ZDHHC15: variants seen among roughly 807,000 people sequenced by gnomAD.
ZDHHC15 encodes zDHHC palmitoyltransferase 15, also known as palmitoyltransferase ZDHHC15.
A neutral mutation model predicts 31.7 loss-of-function variants in ZDHHC15; 19 were observed. The ratio of observed to expected loss-of-function variants is 0.60; its 90% CI spans 0.42 to 0.88. The LOEUF is 0.88. Among genes scored for constraint, ZDHHC15 ranks in the 40% least tolerant of loss-of-function variants. The pLI is 0.00. For synonymous variants in ZDHHC15, 103 were observed against 90.0 expected (o/e 1.14, Z -0.82); for missense variants, 209 against 251.2 (o/e 0.83, Z 1.14).
At chrX:75,471,953 T>C (rs1431210110) in intron 3 of ZDHHC15, among the ~76,000 whole-genome samples, 2 of 111,898 alleles carry the variant, frequency 1.8e-5, no homozygotes, top group Admixed American at 9.5e-5. Context: ...TGGTGGAAAC[T>C]GAACGATTGA....
Position 75,410,160 on chromosome X carries a change from C to T in ZDHHC15, c.967+6927G>A, listed in dbSNP as rs759422877. Reference sequence around the variant, plus strand: ...TAGAAGAAAATTTGGGGGAAATGCTCCAGGACAAGACGTTGAAAGCACAGG... The same window carrying T: ...TAGAAGAAAATTTGGGGGAAATGCTTCAGGACAAGACGTTGAAAGCACAGG... On this transcript the variant is annotated intron_variant, in intron 10 of 11. Transcript: ENST00000373367. Among the ~76,000 whole-genome samples, 5 of 111,199 alleles carry T rather than the reference C, an allele frequency of 4.5e-5. No homozygotes were observed. In the South Asian group the frequency reaches 1.9e-3, roughly 42 times the overall value.
chrX:75,411,061 G>C (rs2083479678), intron 10 of ZDHHC15, among the ~76,000 whole-genome samples: 1 of 111,935 alleles, frequency 8.9e-6, no homozygotes, highest in Non-Finnish European at 1.9e-5. Context: ...ATAGAGAGTA[G>C]ATTGGTTGTT....
rs760902816 is a variant in ZDHHC15, at chrX:75,426,364, C to T, written c.604-1580G>A. Among the ~76,000 whole-genome samples, 3 of 111,338 alleles carry T rather than the reference C, an allele frequency of 2.7e-5. No individual in the cohort carries two copies. In the East Asian group the frequency reaches 8.5e-4, roughly 32 times the overall value. ...AGCTGCAGTCTATTCCCTCACCCCA[C>T]CCAATTACTCTCAAAGAACATTTTT... On this transcript the variant is annotated intron_variant, in intron 7 of 11. Coordinates refer to ENST00000373367, the MANE Select transcript of ZDHHC15 (RefSeq NM_144969.3).
Position 75,370,525 on chromosome X carries a change from T to TTA in ZDHHC15, c.*2452_*2453insTA, listed in dbSNP as rs1469735096. Reference sequence around the variant, plus strand: ...TGGTAAAACCCTGATTTATTTGGCTTTTTTTTTTTTTTTTTTTTTTTTTGA... The same window carrying TTA: ...TGGTAAAACCCTGATTTATTTGGCTTTATTTTTTTTTTTTTTTTTTTTTTTGA... On this transcript the variant is annotated 3_prime_UTR_variant, in exon 12 of 12. Coordinates refer to ENST00000373367, the MANE Select transcript of ZDHHC15 (RefSeq NM_144969.3). 7 of 6,572 alleles carry TTA rather than the reference T, an allele frequency of 1.1e-3. No homozygotes were observed. Among genetic ancestry groups the TTA allele is most frequent in the African/African-American group, 1.2e-3 (7 of 5,985 alleles). 0.5% of individuals were successfully genotyped at this position (6,572 alleles called of 1,213,427 possible).
chrX:75,429,346 T>A, intron 6 of ZDHHC15, 148 bp from the exon 7 acceptor site: 1 of 683,575 alleles, frequency 1.5e-6, no homozygotes, highest in Non-Finnish European at 2.1e-6. Context: ...AGTCCCTTAA[T>A]AAGAACAAAC....
intron 3 of ZDHHC15, among the ~76,000 whole-genome samples, chrX:75,477,392 C>T (rs1203237378): frequency 9.0e-6 from 1 of 111,501 alleles, no homozygotes; most frequent in East Asian, 2.8e-4. Flanking sequence ...TGTTCAAATC[C>T]TCCATTTCCT....
intron 2 of ZDHHC15, among the ~76,000 whole-genome samples, chrX:75,483,073 G>C (rs779400771): frequency 1.2e-5 from 1 of 83,794 alleles, no homozygotes; most frequent in African/African-American, 7.0e-5. Context: ...GTATATATAT[G>C]TGTATGTGTA....
At chrX:75,483,835 C>A (rs972717942) in intron 2 of ZDHHC15, among the ~76,000 whole-genome samples, 14 of 110,589 alleles carry the variant, frequency 1.3e-4, no homozygotes, top group South Asian at 7.8e-4. Flanking sequence ...ACACACACAC[C>A]CACCCACACA....
At chrX:75,460,646 A>T (rs2084298491) in intron 3 of ZDHHC15, among the ~76,000 whole-genome samples, 1 of 110,990 alleles carries the variant, frequency 9.0e-6, no homozygotes. Context: ...TATGAAAAAA[A>T]AAATGAGGCA....
At chrX:75,453,079 A>G (rs2084151594) in intron 3 of ZDHHC15, among the ~76,000 whole-genome samples, 1 of 111,969 alleles carries the variant, frequency 8.9e-6, no homozygotes, top group Non-Finnish European at 1.9e-5. Context: ...CCTTCAAAAA[A>G]TCAATGAATC....
At chrX:75,505,870 G>C (rs748466136) in intron 1 of ZDHHC15, 23 bp from the exon 2 acceptor site, 2 of 1,163,366 alleles carry the variant, frequency 1.7e-6, no homozygotes, top group South Asian at 1.8e-5. Flanking sequence ...AGGAGAAAGA[G>C]AGACAGACAG....
intron 3 of ZDHHC15, among the ~76,000 whole-genome samples, chrX:75,467,524 G>T (rs1423082835): frequency 8.9e-6 from 1 of 112,291 alleles, no homozygotes; most frequent in South Asian, 3.7e-4. Context: ...GGGTATTAAA[G>T]AATGTAATAC....
chrX:75,463,604 C>A (rs766475734), intron 3 of ZDHHC15, among the ~76,000 whole-genome samples: 7 of 110,864 alleles, frequency 6.3e-5, no homozygotes, highest in African/African-American at 2.3e-4. Context: ...ACAACAACAA[C>A]AAAAAACCCA....
chrX:75,498,569 T>A (rs2085044139), intron 2 of ZDHHC15, among the ~76,000 whole-genome samples: 1 of 111,646 alleles, frequency 9.0e-6, no homozygotes, highest in Non-Finnish European at 1.9e-5. Context: ...CTTAGGAATA[T>A]ACCTAACCAA....
rs143631755 is a variant in ZDHHC15 at position 75,461,369 on chromosome X, T to C, written c.259-10447A>G. 2.7e-5 allele frequency among the ~76,000 whole-genome samples: 3 copies of C among 111,826 alleles called. No individual in the cohort carries two copies. The Admixed American group carries it at 2.9e-4, about 11-fold the overall frequency. ...AAGCTGGAAAATATATTTCAGGATA[T>C]CATCCAGGAGAACTTCTCCAGCCTA... On this transcript the variant is annotated intron_variant, in intron 3 of 11. Coordinates refer to ENST00000373367, the MANE Select transcript of ZDHHC15 (RefSeq NM_144969.3).
chrX:75,441,679 A>T (rs1346723285), intron 4 of ZDHHC15, among the ~76,000 whole-genome samples: 1 of 102,796 alleles, frequency 9.7e-6, no homozygotes, highest in Admixed American at 1.1e-4. Flanking sequence ...GCTGGAGTAC[A>T]GTGGCGTGAT....
chrX:75,409,393 C>T (rs1483182054), intron 10 of ZDHHC15, among the ~76,000 whole-genome samples: 2 of 102,445 alleles, frequency 2.0e-5, no homozygotes, highest in Non-Finnish European at 1.9e-5. Context: ...GAGCCTGAGG[C>T]AAGAGAATTG....
chrX:75,419,026 T>C lies in ZDHHC15; in HGVS notation c.864-1836A>G, dbSNP rs937893383. Among the ~76,000 whole-genome samples the C allele has an allele frequency of 9.8e-5, 11 of 111,901 alleles. No homozygotes were observed. The East Asian group carries it at 2.5e-3, about 26-fold the overall frequency. ...CTCATTAGAGTGAAGAGGCAACCTA[T>C]AGAATGGGAGAAAATTTTTGCAATC... On this transcript the variant is annotated intron_variant, in intron 9 of 11. Coordinates refer to ENST00000373367, the MANE Select transcript of ZDHHC15 (RefSeq NM_144969.3).
chrX:75,443,581 C>T (rs1176242897), intron 4 of ZDHHC15, among the ~76,000 whole-genome samples: 7 of 111,867 alleles, frequency 6.3e-5, no homozygotes, highest in African/African-American at 2.3e-4. Flanking sequence ...GTCTAAAACA[C>T]CAAAAGCAAT....
Sources: gnomAD v4.1 joint callset for allele counts (sites outside exome capture counted in the v4.1 genomes callset) on GRCh38, gnomAD v4.1.1 for gene constraint, MANE v1.5 for transcripts, NCBI Gene and HGNC (gene_info 2026-07-23, HGNC 2026-07-21) for gene names.